The following SOS1 variants were observed in gnomAD, a reference collection of about 807,000 sequenced individuals.
SOS1 encodes son of sevenless homolog 1.
Under a neutral mutation model 157.6 loss-of-function variants are expected in SOS1, and 25 were observed. The observed-to-expected ratio is 0.16, with a 90% CI of 0.12 to 0.22. The LOEUF is 0.22. Among genes scored for constraint, SOS1 ranks in the 10% least tolerant of loss-of-function variants. The pLI, the probability that SOS1 is intolerant of heterozygous loss-of-function variation, is 1.00. For synonymous variants in SOS1, 528 were observed against 534.0 expected (o/e 0.99, Z 0.16); for missense variants, 1,237 against 1,599.1 (o/e 0.77, Z 3.86).
chr2:39,110,909 T>G (rs1011671655), intron 1 of SOS1, among the ~76,000 whole-genome samples: 1 of 152,206 alleles, frequency 6.6e-6, no homozygotes, highest in African/African-American at 2.4e-5. Context: ...AAGACCAGCC[T>G]GGCCAACATG....
chr2:39,077,320 CAA>C (rs11362922), intron 1 of SOS1, among the ~76,000 whole-genome samples: 292 of 138,372 alleles, frequency 2.1e-3, no homozygotes, highest in Middle Eastern at 3.6e-3. Flanking sequence ...ACTCCTTCTC[CAA>C]AAAAAAAAAA....
chr2:38,989,880 C>G (rs1475637808), intron 20 of SOS1, among the ~76,000 whole-genome samples: 1 of 151,714 alleles, frequency 6.6e-6, no homozygotes, highest in East Asian at 1.9e-4. Context: ...CATTTGGTGC[C>G]TAGACTCATT....
chr2:39,069,277 A>C (rs1444282293), intron 1 of SOS1, among the ~76,000 whole-genome samples: 1 of 143,248 alleles, frequency 7.0e-6, no homozygotes, highest in African/African-American at 2.5e-5. Flanking sequence ...CCAGAGGCTG[A>C]GGTGACGTGG....
At chr2:39,059,846 A>G (rs563874155) in intron 2 of SOS1, among the ~76,000 whole-genome samples, 1 of 152,196 alleles carries the variant, frequency 6.6e-6, no homozygotes, top group African/African-American at 2.4e-5. Context: ...AGGCTAAGTC[A>G]GCTTCCAAAT....
chr2:39,115,387 T>A (rs1289045332), intron 1 of SOS1, among the ~76,000 whole-genome samples: 1 of 150,968 alleles, frequency 6.6e-6, no homozygotes, highest in African/African-American at 2.4e-5. Context: ...TTGTCATTTG[T>A]ATCAAATTTG....
At chr2:39,010,521 A>G (rs1669432590) in intron 15 of SOS1, 63 bp downstream of exon 15, 2 of 1,499,320 alleles carry the variant, frequency 1.3e-6, no homozygotes, top group Non-Finnish European at 1.9e-6. Context: ...AAACAAAAAA[A>G]TTGCATTGAA....
intron 20 of SOS1, among the ~76,000 whole-genome samples, chr2:38,991,587 G>C (rs1343262061): frequency 1.3e-5 from 2 of 152,198 alleles, no homozygotes; most frequent in Non-Finnish European, 2.9e-5. Flanking sequence ...GACCTGGCCA[G>C]GGCAAGGTGT....
chr2:39,061,232 G>A (rs1265082938), intron 2 of SOS1, among the ~76,000 whole-genome samples: 3 of 141,384 alleles, frequency 2.1e-5, no homozygotes, highest in Non-Finnish European at 3.0e-5. Flanking sequence ...AAATGCATGC[G>A]GAAAGATTCG....
chr2:39,111,650 A>G, intron 1 of SOS1, among the ~76,000 whole-genome samples: 1 of 151,850 alleles, frequency 6.6e-6, no homozygotes, highest in East Asian at 1.9e-4. Flanking sequence ...GGACTTCATC[A>G]TCATTCCCAT....
chr2:39,022,473 A>G, intron 10 of SOS1, 97 bp downstream of exon 10: 1 of 904,166 alleles, frequency 1.1e-6, no homozygotes, highest in Non-Finnish European at 1.8e-6. Flanking sequence ...TTTGGTTGTT[A>G]GTTTCTTTTC....
At chr2:39,035,999 C>G (rs1670329874) in intron 6 of SOS1, among the ~76,000 whole-genome samples, 1 of 152,074 alleles carries the variant, frequency 6.6e-6, no homozygotes, top group African/African-American at 2.4e-5. Context: ...AACAATTAAA[C>G]AAAATCCGAA....
rs1283883928 is a variant in SOS1 at position 39,121,011 on chromosome 2, C to A, written c.-589G>T. The A allele has an allele frequency of 1.7e-5, 3 of 172,662 alleles. No homozygotes were observed. The highest frequency in any genetic ancestry group is 3.6e-5 in the Non-Finnish European group (3 of 83,616). The allele number at this position is 172,662 out of a possible 1,614,324, so 10.7% of individuals were successfully genotyped here. A position where few individuals can be genotyped will look rare whatever the true frequency, so the allele number is the denominator to read the frequency against. On this transcript the variant is annotated 5_prime_UTR_variant, in exon 1 of 23. Transcript: ENST00000402219. ...GCCGCCACCGCCGCCGCCGGTGTAG[C>A]GCTGGAGCTTCCTACTAGCGAACTG... is the stretch of plus-strand genomic sequence containing the variant.
At chr2:39,120,244 A>T in intron 1 of SOS1, 92 bp downstream of exon 1, 1 of 1,138,988 alleles carries the variant, frequency 8.8e-7, no homozygotes, top group Non-Finnish European at 1.2e-6. Context: ...GGGAAGAAAG[A>T]CGGCCCTGCG....
chr2:39,097,421 G>GC (rs1410478163), intron 1 of SOS1, among the ~76,000 whole-genome samples: 1 of 152,168 alleles, frequency 6.6e-6, no homozygotes, highest in East Asian at 1.9e-4. Flanking sequence ...ATTCCTGGAT[G>GC]CCCCACTCAA....
At chr2:39,065,129 T>C (rs1416045871) in intron 2 of SOS1, among the ~76,000 whole-genome samples, 1 of 152,108 alleles carries the variant, frequency 6.6e-6, no homozygotes, top group Non-Finnish European at 1.5e-5. Flanking sequence ...CAAAACACAC[T>C]TAGGGCTTGC....
intron 1 of SOS1, among the ~76,000 whole-genome samples, chr2:39,086,866 G>A (rs962834203): frequency 6.6e-6 from 1 of 152,022 alleles, no homozygotes; most frequent in Non-Finnish European, 1.5e-5. Context: ...AGGCTGGAGT[G>A]CAGTGGCATG....
intron 5 of SOS1, among the ~76,000 whole-genome samples, chr2:39,054,358 C>G (rs1031459512): frequency 3.9e-5 from 6 of 152,194 alleles, no homozygotes; most frequent in Non-Finnish European, 8.8e-5. Context: ...AAACAAGAAG[C>G]TTTATCCTTT....
At position 39,023,071 on chromosome 2, in the gene SOS1, C is replaced by T. The variant is rs1669848256; in HGVS notation, c.1357G>A (p.Val453Ile). Residue 453 changes from valine to isoleucine, a missense_variant, in exon 10 of 23, where the codon GTA (valine) becomes ATA (isoleucine). By Grantham distance (29) the Val-to-Ile change is conservative (BLOSUM62 3). Transcript: ENST00000402219. The stretch of plus-strand genomic sequence containing the variant: ...ATGTGTCTCTCATGTTTGGCTCCTA[C>T]ACGTGTAAGAGTTCCTTCCATTATA... ...EFIMEGTLTRVGAKHERHIFL... is the reference protein window; with the variant it reads ...EFIMEGTLTRIGAKHERHIFL... 6 of 1,613,778 alleles carry T rather than the reference C, an allele frequency of 3.7e-6. No individual in the cohort carries two copies. Among genetic ancestry groups the T allele is most frequent in the Non-Finnish European group, 5.1e-6 (6 of 1,179,768 alleles).
At position 39,075,243 on chromosome 2, in the gene SOS1, G is replaced by A. The variant is rs76738889; in HGVS notation, c.88-7490C>T. 7.1e-3 allele frequency among the ~76,000 whole-genome samples: 1,087 copies of A among 152,220 alleles called. 11 individuals carry two copies. Among genetic ancestry groups the A allele is most frequent in the African/African-American group, 0.025 (1,044 of 41,520 alleles). ...AGAAGGGCCTGTTAAGGTAGAAGGA[G>A]GTAGGCTTGGATAACTATTTTTTTG... On this transcript the variant is annotated intron_variant, in intron 1 of 22. Transcript: ENST00000402219.
Sources: allele counts gnomAD v4.1 joint callset (sites outside exome capture counted in the v4.1 genomes callset), GRCh38; gene constraint gnomAD v4.1.1; transcripts MANE v1.5; gene names NCBI Gene and HGNC (gene_info 2026-07-23, HGNC 2026-07-21).